The following VWC2L variants were observed in gnomAD, a reference collection of about 807,000 sequenced individuals.
VWC2L encodes the protein von Willebrand factor C domain-containing protein 2-like.
VWC2L carries 10 observed loss-of-function variants against 21.6 expected under a neutral mutation model. That is an observed-to-expected ratio of 0.46 (90% CI 0.29 to 0.78). The LOEUF is 0.78. Ranked by LOEUF, VWC2L falls within the 30% of genes least tolerant of loss-of-function variation. VWC2L has a pLI of 0.10. For synonymous variants in VWC2L, 96 were observed against 94.3 expected, an observed-to-expected ratio of 1.02 and a Z score of -0.10; for missense variants, 209 against 277.1, an observed-to-expected ratio of 0.75 and a Z score of 1.74.
chr2:214,416,676 G>C (rs1702362119), intron 2 of VWC2L, among the ~76,000 whole-genome samples: 2 of 152,018 alleles, frequency 1.3e-5, no homozygotes, highest in Non-Finnish European at 2.9e-5. Context: ...AGGTCAGATA[G>C]ACTTGGATTC....
At chr2:214,482,332 G>A (rs1458080367) in intron 3 of VWC2L, among the ~76,000 whole-genome samples, 1 of 151,962 alleles carries the variant, frequency 6.6e-6, no homozygotes. Flanking sequence ...CCTAAAACAC[G>A]CTACTCAATT....
At position 214,576,936 on chromosome 2, in the gene VWC2L, CA is replaced by C. The variant is rs553395673; in HGVS notation, c.*1118del. On this transcript the variant is annotated 3_prime_UTR_variant, in exon 4 of 4. Coordinates refer to ENST00000312504, the MANE Select transcript of VWC2L (RefSeq NM_001080500.4). ...AGATTAGGGTAGAGTGAGTCTTGCA[CA>C]ATACAATTCCATTTGTTGAACATTT... is the stretch of plus-strand genomic sequence containing the variant. 1.3e-5 allele frequency: 2 copies of C among 152,182 alleles called. No homozygotes were observed. The highest frequency in any genetic ancestry group is 4.1e-4 in the South Asian group (2 of 4,820). The allele number at this position is 152,182 out of a possible 1,614,324, so 9.4% of individuals were successfully genotyped here.
At chr2:214,438,522 T>C (rs187117777) in intron 3 of VWC2L, among the ~76,000 whole-genome samples, 195 of 152,188 alleles carry the variant, frequency 1.3e-3, no homozygotes, top group African/African-American at 4.6e-3. Flanking sequence ...ATAGTTAAAA[T>C]TTCTTGTCTA....
intron 3 of VWC2L, among the ~76,000 whole-genome samples, chr2:214,515,704 C>A (rs1402157366): frequency 6.6e-6 from 1 of 152,146 alleles, no homozygotes; most frequent in African/African-American, 2.4e-5. Context: ...CAGGCACCCA[C>A]CACCAGTCCC....
At chr2:214,525,538 G>C (rs1022465204) in intron 3 of VWC2L, among the ~76,000 whole-genome samples, 27 of 152,218 alleles carry the variant, frequency 1.8e-4, no homozygotes, top group African/African-American at 6.3e-4. Flanking sequence ...AAGATGATGT[G>C]AATGTGGCAA....
chr2:214,511,256 C>T (rs147642835), intron 3 of VWC2L, among the ~76,000 whole-genome samples: 1 of 151,968 alleles, frequency 6.6e-6, no homozygotes, highest in Non-Finnish European at 1.5e-5. Context: ...CAGAGCAATA[C>T]CCAGTTTCAA....
chr2:214,438,273 C>A (rs899232542), intron 3 of VWC2L, among the ~76,000 whole-genome samples: 3 of 151,794 alleles, frequency 2.0e-5, no homozygotes, highest in Admixed American at 6.6e-5. Context: ...AATGGTGAGT[C>A]TAAAGTAGAA....
intron 3 of VWC2L, among the ~76,000 whole-genome samples, chr2:214,542,179 A>G (rs1689639648): frequency 6.6e-6 from 1 of 152,150 alleles, no homozygotes; most frequent in Non-Finnish European, 1.5e-5. Flanking sequence ...TGTGCAGTGC[A>G]GTAAAATTTT....
chr2:214,488,014 G>A (rs753552920), intron 3 of VWC2L, among the ~76,000 whole-genome samples: 25 of 152,218 alleles, frequency 1.6e-4, no homozygotes, highest in Middle Eastern at 3.4e-3. Flanking sequence ...TCCAAAATAA[G>A]TATATGTTAC....
At chr2:214,573,805 T>G (rs189060767) in intron 3 of VWC2L, among the ~76,000 whole-genome samples, 152 of 152,256 alleles carry the variant, frequency 1.0e-3, no homozygotes, top group Non-Finnish European at 1.5e-3. Context: ...TTGTAGCCCT[T>G]AAATAATCAG....
At chr2:214,464,546 C>G (rs554788207) in intron 3 of VWC2L, among the ~76,000 whole-genome samples, 18 of 152,198 alleles carry the variant, frequency 1.2e-4, no homozygotes, top group Non-Finnish European at 2.6e-4. Flanking sequence ...GACACAAGCA[C>G]TCCTGTGGCC....
At chr2:214,478,417 T>C (rs1688555895) in intron 3 of VWC2L, among the ~76,000 whole-genome samples, 1 of 151,164 alleles carries the variant, frequency 6.6e-6, no homozygotes, top group South Asian at 2.1e-4. Flanking sequence ...AGGCGGAGTT[T>C]GCAGTGAGCG....
At chr2:214,491,229 AG>A (rs1445373727) in intron 3 of VWC2L, among the ~76,000 whole-genome samples, 1 of 152,186 alleles carries the variant, frequency 6.6e-6, no homozygotes, top group Non-Finnish European at 1.5e-5. Context: ...ATATGGTAAT[AG>A]GTTAGGGGGA....
intron 3 of VWC2L, among the ~76,000 whole-genome samples, chr2:214,572,047 G>C (rs1690157424): frequency 6.6e-6 from 1 of 152,126 alleles, no homozygotes; most frequent in Non-Finnish European, 1.5e-5. Context: ...CTCCTAAAGT[G>C]CTGGGATTAC....
intron 3 of VWC2L, among the ~76,000 whole-genome samples, chr2:214,521,273 AAAT>A (rs1689236506): frequency 4.9e-5 from 6 of 121,598 alleles, no homozygotes; most frequent in South Asian, 2.6e-4. Flanking sequence ...ATAAATAAAT[AAAT>A]AAAACTACCA....
intron 3 of VWC2L, among the ~76,000 whole-genome samples, chr2:214,507,418 T>A (rs1415796102): frequency 6.6e-6 from 1 of 152,210 alleles, no homozygotes; most frequent in Non-Finnish European, 1.5e-5. Context: ...TAAAGGATAA[T>A]GATCATTTTC....
Position 214,575,693 on chromosome 2 carries a change from C to A in VWC2L, c.542C>A (p.Thr181Lys). Reference protein sequence around the residue: ...CKNGPNCFAGTTIIPAGIEVK... With the variant: ...CKNGPNCFAGKTIIPAGIEVK... ...TCAGGTCCAAACTGCTTTGCAGGAA[C>A]GACGATAATTCCAGCTGGCATTGAA... Residue 181 changes from threonine to lysine, a missense_variant, in exon 4 of 4, where the codon ACG becomes AAG. Thr to Lys is a moderately conservative substitution (Grantham distance 78). Coordinates refer to ENST00000312504, the MANE Select transcript of VWC2L (RefSeq NM_001080500.4). The A allele has an allele frequency of 1.2e-6, 2 of 1,613,296 alleles. No individual in the cohort carries two copies.
chr2:214,481,063 G>GA (rs1432063536), intron 3 of VWC2L, among the ~76,000 whole-genome samples: 7 of 151,778 alleles, frequency 4.6e-5, no homozygotes, highest in Non-Finnish European at 1.0e-4. Flanking sequence ...AACCTCCAAA[G>GA]AAAAAAAATC....
intron 3 of VWC2L, among the ~76,000 whole-genome samples, chr2:214,508,603 C>A (rs1689004305): frequency 6.6e-6 from 1 of 152,134 alleles, no homozygotes; most frequent in Non-Finnish European, 1.5e-5. Flanking sequence ...TTGTTCTATC[C>A]TAGAGTTTCC....
Sources: gnomAD v4.1 joint callset for allele counts (sites outside exome capture counted in the v4.1 genomes callset) on GRCh38, gnomAD v4.1.1 for gene constraint, MANE v1.5 for transcripts, NCBI Gene and HGNC (gene_info 2026-07-23, HGNC 2026-07-21) for gene names.